Variants in ASB18 observed in about 807,000 individuals in gnomAD.
ASB18 encodes ankyrin repeat and SOCS box protein 18.
A neutral mutation model predicts 33.4 loss-of-function variants in ASB18; 33 were observed. The observed-to-expected ratio is 0.99, with a 90% CI of 0.75 to 1.32. The LOEUF (loss-of-function observed/expected upper bound fraction) is 1.32. Ranked by LOEUF, ASB18 falls within the 40% of genes most tolerant of loss-of-function variation. The probability of loss-of-function intolerance (pLI) is 0.00; values close to 1 mark genes in which losing one functional copy is unlikely to be tolerated. For synonymous variants in ASB18, 295 were observed against 307.6 expected (o/e 0.96, Z 0.43); for missense variants, 694 against 655.5 (o/e 1.06, Z -0.64).
chr2:236,202,848 G>A (rs1176038093), intron 4 of ASB18, among the ~76,000 whole-genome samples: 1 of 144,520 alleles, frequency 6.9e-6, no homozygotes, highest in African/African-American at 2.6e-5. Context: ...AATCTAAATA[G>A]TATCTTTTAT....
At chr2:236,201,112 CTCCTTCCCTCCTTCCT>C (rs1001119565) in intron 4 of ASB18, among the ~76,000 whole-genome samples, 12 of 151,500 alleles carry the variant, frequency 7.9e-5, no homozygotes, top group South Asian at 2.1e-4. Context: ...GTTCCCTTCC[CTCCTTCCCTCCTTCCT>C]TCCTTCCCTC....
chr2:236,246,555 C>T (rs1452522766), intron 1 of ASB18, among the ~76,000 whole-genome samples: 1 of 151,876 alleles, frequency 6.6e-6, no homozygotes, highest in Non-Finnish European at 1.5e-5. Flanking sequence ...CCTGCTGGTG[C>T]ATTGGAAAAT....
chr2:236,199,227 C>G (rs1159187732), intron 4 of ASB18, among the ~76,000 whole-genome samples: 2 of 151,942 alleles, frequency 1.3e-5, no homozygotes, highest in Non-Finnish European at 1.5e-5. Flanking sequence ...GCCTGACCAA[C>G]ATGATGAAAC....
Position 236,222,778 on chromosome 2 carries a change from G to A in ASB18, c.597-7912C>T, listed in dbSNP as rs2060518417. Among the ~76,000 whole-genome samples the A allele has an allele frequency of 6.6e-6, 1 of 152,196 alleles. No homozygotes were observed. The highest frequency in any genetic ancestry group is 6.5e-5 in the Admixed American group (1 of 15,286). The stretch of plus-strand genomic sequence containing the variant: ...CTCACGCCTGTAATCCCAACACTTT[G>A]GGAGGCCGAGGTATGTGGATCACCT... On this transcript the variant is annotated intron_variant, in intron 3 of 5. Coordinates refer to ENST00000409749, the MANE Select transcript of ASB18 (RefSeq NM_212556.4). This position sits in a 1 kb window ranked among gnomAD's most constrained non-coding sequence, Gnocchi z 5.5.
rs2060446299 is a variant in ASB18, at chr2:236,208,943, C to A, written c.1101+5419G>T. Among the ~76,000 whole-genome samples, 1 of 152,186 alleles carries A rather than the reference C, an allele frequency of 6.6e-6. No homozygotes were observed. The highest frequency in any genetic ancestry group is 1.5e-5 in the Non-Finnish European group (1 of 68,038). On this transcript the variant is annotated intron_variant, in intron 4 of 5. Transcript: ENST00000409749. This position sits in a 1 kb window ranked among gnomAD's most constrained non-coding sequence, Gnocchi z 7.7. ...AAGAAAATTAAGGGGAAAAATCACA[C>A]AGGCACATTGCTTTATATGTAGATG...
intron 4 of ASB18, among the ~76,000 whole-genome samples, chr2:236,202,791 A>AT (rs1387530745): frequency 5.6e-4 from 70 of 124,976 alleles, no homozygotes; most frequent in South Asian, 2.4e-3. Context: ...AAAAAAAAAA[A>AT]AAAATATATA....
chr2:236,214,797 C>T lies in ASB18; in HGVS notation c.666G>A (p.Pro222=). ...QRVGGTGRDT[P]LHVAAQRGLD... is the part of the protein sequence containing the mutation. ...GGCCGCGCTGCGCCGCCACGTGCAG[C>T]GGCGTGTCCCGGCCCGTGCCGCCCA... Residue 222 remains proline (P), a synonymous_variant, in exon 4 of 6, where the codon CCG becomes CCA. Coordinates refer to ENST00000409749, the MANE Select transcript of ASB18 (RefSeq NM_212556.4). The surrounding 1 kb of genome is among the most constrained non-coding windows in gnomAD (Gnocchi z 6.5). 8.3e-7 allele frequency: 1 copy of T among 1,206,570 alleles called. No individual in the cohort carries two copies. The highest frequency in any genetic ancestry group is 1.0e-6 in the Non-Finnish European group (1 of 971,244). 74.7% of individuals were successfully genotyped at this position (1,206,570 alleles called of 1,614,324 possible).
At chr2:236,242,172 C>G (rs1471885936) in intron 1 of ASB18, among the ~76,000 whole-genome samples, 1 of 152,164 alleles carries the variant, frequency 6.6e-6, no homozygotes, top group Non-Finnish European at 1.5e-5. Flanking sequence ...TAGTTAGCAG[C>G]TGTGCTATGA....
rs182105440 is a variant in ASB18 at position 236,205,287 on chromosome 2, C to T, written c.1102-8902G>A. On this transcript the variant is annotated intron_variant, in intron 4 of 5. Transcript: ENST00000409749. The surrounding 1 kb of genome is among the most constrained non-coding windows in gnomAD (Gnocchi z 5.4). The stretch of plus-strand genomic sequence containing the variant: ...CCATCCCACTAGCTCCTTCCATCTC[C>T]GGCCACACTGGTCCCCTGTGGTTCT... Among the ~76,000 whole-genome samples the T allele has an allele frequency of 2.4e-3, 360 of 152,312 alleles. 1 individual carries two copies. Among genetic ancestry groups the T allele is most frequent in the African/African-American group, 7.2e-3 (300 of 41,566 alleles).
rs1385037505 is a variant in ASB18, at chr2:236,203,061, G to C, written c.1102-6676C>G. ...TTCCCAATTATTTGTCCCTGTTATA[G>C]CTGGGTTGTATGCTCACCACCTGTC... On this transcript the variant is annotated intron_variant, in intron 4 of 5. Coordinates refer to ENST00000409749, the MANE Select transcript of ASB18 (RefSeq NM_212556.4). The surrounding 1 kb of genome is among the most constrained non-coding windows in gnomAD (Gnocchi z 6.0). Among the ~76,000 whole-genome samples, 1 of 151,994 alleles carries C rather than the reference G, an allele frequency of 6.6e-6. No homozygotes were observed. Among genetic ancestry groups the C allele is most frequent in the Non-Finnish European group, 1.5e-5 (1 of 68,026 alleles).
chr2:236,207,144 T>C (rs1244493268), intron 4 of ASB18, among the ~76,000 whole-genome samples: 1 of 152,234 alleles, frequency 6.6e-6, no homozygotes, highest in Non-Finnish European at 1.5e-5. Context: ...GGCTTTCCCT[T>C]TCCCCCTGTC....
At chr2:236,246,346 C>CAAAAAAAAAAAAAAAAAAA (rs60064230) in intron 1 of ASB18, among the ~76,000 whole-genome samples, 1 of 32,700 alleles carries the variant, frequency 3.1e-5, no homozygotes, top group African/African-American at 9.0e-5. Flanking sequence ...GACTCCATCT[C>CAAAAAAAAAAAAAAAAAAA]AAAAAAAAAA....
At position 236,264,161 on chromosome 2, in the gene ASB18, A is replaced by C. The variant is rs770304802; in HGVS notation, c.185T>G (p.Leu62Arg). 5 of 1,613,740 alleles carry C rather than the reference A, an allele frequency of 3.1e-6. No individual in the cohort carries two copies. The highest frequency in any genetic ancestry group is 4.2e-6 in the Non-Finnish European group (5 of 1,179,884). Residue 62 changes from leucine to arginine, a missense_variant, in exon 1 of 6, where the codon CTG (leucine) becomes CGG (arginine). Coordinates refer to ENST00000409749, the MANE Select transcript of ASB18 (RefSeq NM_212556.4). The surrounding 1 kb of genome is among the most constrained non-coding windows in gnomAD (Gnocchi z 5.1). ...GTTACCTAGCAGCATGCCGGTGGGC[A>C]GCTGAGCCGAGGGGTCTTTCATCCA... ...DDWMKDPSAQ[L>R]PTGMLLGDLD...
In ASB18 at chr2:236,214,878, C is replaced by G. The variant is rs536010190; in HGVS notation, c.597-12G>C. On this transcript the variant is annotated splice_polypyrimidine_tract_variant and intron_variant, in intron 3 of 5. Coordinates refer to ENST00000409749, the MANE Select transcript of ASB18 (RefSeq NM_212556.4). The surrounding 1 kb of genome is among the most constrained non-coding windows in gnomAD (Gnocchi z 6.5). Reference sequence around the variant, plus strand: ...GCGCCTGCGCGCACCTGTGGGAAGCCAGGGCCTGTCACTCGGGCGCCACGC... The same window carrying G: ...GCGCCTGCGCGCACCTGTGGGAAGCGAGGGCCTGTCACTCGGGCGCCACGC... The G allele has an allele frequency of 8.7e-4, 1,053 of 1,209,892 alleles. 8 individuals are homozygous for G. In the African/African-American group the frequency reaches 0.015, roughly 17 times the overall value. 74.9% of individuals were successfully genotyped at this position (1,209,892 alleles called of 1,614,324 possible). A position where few individuals can be genotyped will look rare whatever the true frequency, so the allele number is the denominator to read the frequency against.
chr2:236,245,769 C>A lies in ASB18; in HGVS notation c.206-4367G>T, dbSNP rs2060641834. Among the ~76,000 whole-genome samples the A allele has an allele frequency of 6.6e-6, 1 of 152,216 alleles. No homozygotes were observed. Among genetic ancestry groups the A allele is most frequent in the East Asian group, 1.9e-4 (1 of 5,196 alleles). The stretch of plus-strand genomic sequence containing the variant: ...GCTGCTGCTTCCTCTCTGGGAAGTT[C>A]TTCATGCCCCGCATGGTGTTCCACA... On this transcript the variant is annotated intron_variant, in intron 1 of 5. Transcript: ENST00000409749. The surrounding 1 kb of genome is among the most constrained non-coding windows in gnomAD (Gnocchi z 4.7).
At position 236,229,162 on chromosome 2, in the gene ASB18, T is replaced by C. The variant is rs965001286; in HGVS notation, c.596+8527A>G. On this transcript the variant is annotated intron_variant, in intron 3 of 5. Coordinates refer to ENST00000409749, the MANE Select transcript of ASB18 (RefSeq NM_212556.4). The surrounding 1 kb of genome is among the most constrained non-coding windows in gnomAD (Gnocchi z 5.2). ...ATTAAAACACTTGTTATAACTATATTCCACCTGTTTGAGAAGCTAGAGGAA... is the reference window on the plus strand; with the variant it reads ...ATTAAAACACTTGTTATAACTATATCCCACCTGTTTGAGAAGCTAGAGGAA... 1.3e-5 allele frequency among the ~76,000 whole-genome samples: 2 copies of C among 152,214 alleles called. No individual in the cohort carries two copies. The highest frequency in any genetic ancestry group is 2.9e-5 in the Non-Finnish European group (2 of 68,038).
intron 4 of ASB18, among the ~76,000 whole-genome samples, chr2:236,206,897 G>C (rs2060436700): frequency 6.6e-6 from 1 of 152,230 alleles, no homozygotes; most frequent in Non-Finnish European, 1.5e-5. Flanking sequence ...TCCGCTGGAA[G>C]CAAGTTGAGT....
In ASB18 at chr2:236,239,492, G is replaced by A. The variant is rs12477945; in HGVS notation, c.329-1536C>T. Among the ~76,000 whole-genome samples the A allele has an allele frequency of 0.13, 10,476 of 78,026 alleles. 2,216 individuals are homozygous for A. Among genetic ancestry groups the A allele is most frequent in the African/African-American group, 0.32 (7,980 of 24,688 alleles). The allele number at this position is 78,026 out of a possible 152,430, so 51.2% of individuals were successfully genotyped here. A position where few individuals can be genotyped will look rare whatever the true frequency, so the allele number is the denominator to read the frequency against. On this transcript the variant is annotated intron_variant, in intron 2 of 5. Coordinates refer to ENST00000409749, the MANE Select transcript of ASB18 (RefSeq NM_212556.4). This position sits in a 1 kb window ranked among gnomAD's most constrained non-coding sequence, Gnocchi z 5.6. ...TCCCAGTTCTGCCACCAGGAGGGACGTGAATTAAGGCTCAGGAAGCCGGAA... is the reference window on the plus strand; with the variant it reads ...TCCCAGTTCTGCCACCAGGAGGGACATGAATTAAGGCTCAGGAAGCCGGAA...
rs915154505 is a variant in ASB18, at chr2:236,239,345, T to A, written c.329-1389A>T. On this transcript the variant is annotated intron_variant, in intron 2 of 5. Coordinates refer to ENST00000409749, the MANE Select transcript of ASB18 (RefSeq NM_212556.4). This position sits in a 1 kb window ranked among gnomAD's most constrained non-coding sequence, Gnocchi z 5.6. Reference sequence around the variant, plus strand: ...TGGATTCCTGAGTCTTCTCAGGGACTGATGGGGAGAAGCCATAGGTGGGGA... The same window carrying A: ...TGGATTCCTGAGTCTTCTCAGGGACAGATGGGGAGAAGCCATAGGTGGGGA... Among the ~76,000 whole-genome samples the A allele has an allele frequency of 6.8e-6, 1 of 146,264 alleles. No homozygotes were observed. Among genetic ancestry groups the A allele is most frequent in the African/African-American group, 2.5e-5 (1 of 40,432 alleles).
Sources: allele counts gnomAD v4.1 joint callset (sites outside exome capture counted in the v4.1 genomes callset), GRCh38; gene constraint gnomAD v4.1.1; non-coding constraint Gnocchi (gnomAD v3.1); transcripts MANE v1.5; gene names NCBI Gene and HGNC (gene_info 2026-07-23, HGNC 2026-07-21).